Variants in CSRNP3 observed in about 807,000 individuals in gnomAD.
CSRNP3 encodes cysteine and serine rich nuclear protein 3, also known as cysteine/serine-rich nuclear protein 3.
A neutral mutation model predicts 48.0 loss-of-function variants in CSRNP3; 12 were observed. That is an observed-to-expected ratio of 0.25 (90% CI 0.16 to 0.41). The LOEUF is 0.41. Ranked by LOEUF, CSRNP3 falls within the 10% of genes least tolerant of loss-of-function variation. The pLI is 1.00. For synonymous variants in CSRNP3, 263 were observed against 269.7 expected, an observed-to-expected ratio of 0.98 and a Z score of 0.24; for missense variants, 580 against 724.4, an observed-to-expected ratio of 0.80 and a Z score of 2.29.
At chr2:165,674,011 A>C (rs1687378583) in intron 5 of CSRNP3, among the ~76,000 whole-genome samples, 1 of 152,128 alleles carries the variant, frequency 6.6e-6, no homozygotes, top group South Asian at 2.1e-4. Context: ...ACAGAGCTAG[A>C]CTCCATCTCA....
chr2:165,631,812 C>CATCTACCT (rs1169244935), intron 4 of CSRNP3, among the ~76,000 whole-genome samples: 31 of 152,358 alleles, frequency 2.0e-4, no homozygotes, highest in African/African-American at 7.2e-4. Context: ...TACTCTCACT[C>CATCTACCT]ATCTACCTAT....
chr2:165,610,654 T>G (rs1686121094), intron 4 of CSRNP3, among the ~76,000 whole-genome samples: 1 of 152,166 alleles, frequency 6.6e-6, no homozygotes. Context: ...CTGTCATGAC[T>G]GAAGGGGTAA....
intron 1 of CSRNP3, among the ~76,000 whole-genome samples, chr2:165,476,800 G>A (rs1683968142): frequency 6.6e-6 from 1 of 152,216 alleles, no homozygotes; most frequent in African/African-American, 2.4e-5. Flanking sequence ...GGGTAGTATT[G>A]TGAAGATTGG....
intron 4 of CSRNP3, among the ~76,000 whole-genome samples, chr2:165,615,558 T>C (rs35990422): frequency 0.066 from 9,870 of 150,466 alleles, 375 homozygotes; most frequent in Middle Eastern, 0.09. Context: ...AAAAAAAGAA[T>C]TATAAAAGAA....
At chr2:165,616,557 T>C (rs1313126734) in intron 4 of CSRNP3, among the ~76,000 whole-genome samples, 2 of 152,232 alleles carry the variant, frequency 1.3e-5, no homozygotes, top group Non-Finnish European at 2.9e-5. Context: ...TAACTTTTTA[T>C]AAAAACACTT....
chr2:165,592,569 A>T (rs1685735842), intron 3 of CSRNP3, among the ~76,000 whole-genome samples: 1 of 151,836 alleles, frequency 6.6e-6, no homozygotes, highest in Non-Finnish European at 1.5e-5. Context: ...CATGGGAGGG[A>T]TGTGTTGGGG....
intron 2 of CSRNP3, among the ~76,000 whole-genome samples, chr2:165,497,820 C>T (rs1476857574): frequency 1.3e-5 from 2 of 152,092 alleles, no homozygotes; most frequent in African/African-American, 4.8e-5. Context: ...GACCACACAG[C>T]TCTCTGATGG....
intron 3 of CSRNP3, among the ~76,000 whole-genome samples, chr2:165,551,557 C>T (rs1187676885): frequency 6.6e-6 from 1 of 152,184 alleles, no homozygotes; most frequent in Non-Finnish European, 1.5e-5. Context: ...TCAAAAGCCC[C>T]TGCAGATCTT....
intron 3 of CSRNP3, among the ~76,000 whole-genome samples, chr2:165,552,274 A>C (rs890578590): frequency 2.4e-4 from 36 of 152,352 alleles, no homozygotes; most frequent in African/African-American, 7.7e-4. Flanking sequence ...ATATAGTAAA[A>C]TAGTCTCAAG....
intron 4 of CSRNP3, among the ~76,000 whole-genome samples, chr2:165,643,610 A>T (rs888893598): frequency 1.3e-5 from 2 of 152,162 alleles, no homozygotes; most frequent in Non-Finnish European, 2.9e-5. Context: ...CATTAATAGG[A>T]TAACTTTGAA....
intron 3 of CSRNP3, among the ~76,000 whole-genome samples, chr2:165,546,285 T>C (rs187733217): frequency 6.6e-6 from 1 of 152,152 alleles, no homozygotes. Context: ...TCTGTTCAAT[T>C]GGGTTCAAGC....
intron 3 of CSRNP3, among the ~76,000 whole-genome samples, chr2:165,526,621 A>G (rs1000823139): frequency 6.6e-6 from 1 of 152,206 alleles, no homozygotes; most frequent in Non-Finnish European, 1.5e-5. Context: ...TTAAGGTCTT[A>G]TTGAACTTTG....
chr2:165,585,713 C>CA (rs758536932), intron 3 of CSRNP3, among the ~76,000 whole-genome samples: 1 of 152,122 alleles, frequency 6.6e-6, no homozygotes. Flanking sequence ...TCACAAATCA[C>CA]AAAAAATCCC....
intron 5 of CSRNP3, among the ~76,000 whole-genome samples, chr2:165,669,772 C>G (rs1687297854): frequency 6.6e-6 from 1 of 152,090 alleles, no homozygotes; most frequent in African/African-American, 2.4e-5. Flanking sequence ...TCTTAAGTGT[C>G]ATCATTGAAA....
chr2:165,500,982 G>T (rs1376060335), intron 2 of CSRNP3, among the ~76,000 whole-genome samples: 1 of 151,970 alleles, frequency 6.6e-6, no homozygotes, highest in Non-Finnish European at 1.5e-5. Flanking sequence ...TTCTTGCTCT[G>T]TCAGATCCAA....
intron 4 of CSRNP3, among the ~76,000 whole-genome samples, chr2:165,627,381 G>A (rs1686454817): frequency 6.6e-6 from 1 of 151,902 alleles, no homozygotes; most frequent in Non-Finnish European, 1.5e-5. Context: ...ATCTCCCCTG[G>A]AAGCTCTTTT....
Position 165,676,435 on chromosome 2 carries a change from C to A in CSRNP3, c.532C>A (p.Pro178Thr). The A allele has an allele frequency of 6.2e-7, 1 of 1,614,062 alleles. No individual in the cohort carries two copies. The highest frequency in any genetic ancestry group is 8.5e-7 in the Non-Finnish European group (1 of 1,179,970). ...VDEYFFLQPL[P>T]TKKRRALLRA... ...TGAGTACTTCTTCCTACAACCTTTG[C>A]CAACAAAAAAACGAAGAGCTCTGCT... Residue 178 changes from proline to threonine, a missense_variant, in exon 6 of 7, where the codon CCA (proline) becomes ACA (threonine). Pro to Thr is a conservative substitution (Grantham distance 38). Coordinates refer to ENST00000651982, the MANE Select transcript of CSRNP3 (RefSeq NM_001172173.2).
At chr2:165,540,696 C>A (rs1212610374) in intron 3 of CSRNP3, among the ~76,000 whole-genome samples, 1 of 152,054 alleles carries the variant, frequency 6.6e-6, no homozygotes, top group Admixed American at 6.6e-5. Flanking sequence ...GCTGGCTTGT[C>A]CCTGTAAGAT....
intron 3 of CSRNP3, among the ~76,000 whole-genome samples, chr2:165,574,853 A>G (rs1574843800): frequency 6.6e-6 from 1 of 152,162 alleles, no homozygotes; most frequent in African/African-American, 2.4e-5. Context: ...TCTTTTGTTC[A>G]TATCTCACAC....
Sources: gnomAD v4.1 joint callset for allele counts (sites outside exome capture counted in the v4.1 genomes callset) on GRCh38, gnomAD v4.1.1 for gene constraint, MANE v1.5 for transcripts, NCBI Gene and HGNC (gene_info 2026-07-23, HGNC 2026-07-21) for gene names.